VNN1: variants seen among roughly 807,000 people sequenced by gnomAD.
The protein encoded by VNN1 is vanin 1.
VNN1 carries 29 observed loss-of-function variants against 41.9 expected under a neutral mutation model. The ratio of observed to expected loss-of-function variants is 0.69; its 90% CI spans 0.52 to 0.94. The LOEUF (loss-of-function observed/expected upper bound fraction) is 0.94. Ranked by LOEUF, VNN1 falls within the 40% of genes least tolerant of loss-of-function variation. The pLI is 0.00. For missense variants in VNN1, 637 were observed against 621.1 expected, an observed-to-expected ratio of 1.03 and a Z score of -0.27; for synonymous variants, 233 against 224.4, an observed-to-expected ratio of 1.04 and a Z score of -0.34.
At chr6:132,713,695 A>G (rs975410466) in intron 1 of VNN1, 131 bp downstream of exon 1, 26 of 962,294 alleles carry the variant, frequency 2.7e-5, no homozygotes, top group African/African-American at 4.9e-5. Flanking sequence ...TAACTGTAAA[A>G]TAAAGGTTCT....
rs1778317880 is a variant in VNN1, at chr6:132,693,244, G to A, written c.606C>T (p.Thr202=). The change falls in exon 4 of 7, where the codon ACC becomes ACT. Residue 202 remains threonine (T), a synonymous_variant. Transcript: ENST00000367928. ...ATGTGAAAATGCCAAAACTTCCAAA[G>A]GTGGTATTGAAAGTCACAATCTCAG... ...KEPEIVTFNT[T]FGSFGIFTCF... is the part of the protein sequence containing the mutation. The A allele has an allele frequency of 2.5e-6, 4 of 1,614,054 alleles. No individual in the cohort carries two copies. The highest frequency in any genetic ancestry group is 3.4e-6 in the Non-Finnish European group (4 of 1,179,972).
At chr6:132,695,365 GCT>G (rs1453846936) in intron 2 of VNN1, among the ~76,000 whole-genome samples, 2 of 152,136 alleles carry the variant, frequency 1.3e-5, no homozygotes, top group Non-Finnish European at 2.9e-5. Context: ...TTAGCTCTTA[GCT>G]CAATAGTGGT....
intron 2 of VNN1, among the ~76,000 whole-genome samples, chr6:132,700,505 T>C (rs1404605517): frequency 6.6e-6 from 1 of 152,138 alleles, no homozygotes; most frequent in Non-Finnish European, 1.5e-5. Flanking sequence ...GACACCCATC[T>C]TGGCTATCCC....
chr6:132,689,964 T>C (rs1778258762), intron 5 of VNN1, among the ~76,000 whole-genome samples: 1 of 152,210 alleles, frequency 6.6e-6, no homozygotes, highest in African/African-American at 2.4e-5. Context: ...CCAGCCATTC[T>C]TGCCAGAAAT....
At chr6:132,702,135 C>T (rs542140014) in intron 2 of VNN1, among the ~76,000 whole-genome samples, 35 of 152,264 alleles carry the variant, frequency 2.3e-4, no homozygotes, top group African/African-American at 5.1e-4. Context: ...TTGGGCTGCA[C>T]GGCAGTACCA....
At chr6:132,705,589 GC>G (rs1173428029) in intron 2 of VNN1, among the ~76,000 whole-genome samples, 5 of 152,096 alleles carry the variant, frequency 3.3e-5, no homozygotes, top group Non-Finnish European at 7.4e-5. Flanking sequence ...AAAACTGAAA[GC>G]TTTTCTCTAA....
At chr6:132,692,962 G>T in intron 4 of VNN1, 62 bp downstream of exon 4, 1 of 1,363,582 alleles carries the variant, frequency 7.3e-7, no homozygotes, top group Non-Finnish European at 9.8e-7. Flanking sequence ...AGAAAAACAT[G>T]TTTTTTTTTT....
chr6:132,711,859 A>T lies in VNN1; in HGVS notation c.211-20T>A, dbSNP rs1318256087. 1 of 1,611,504 alleles carries T rather than the reference A, an allele frequency of 6.2e-7. No homozygotes were observed. The highest frequency in any genetic ancestry group is 2.2e-5 in the East Asian group (1 of 44,774). On this transcript the variant is annotated intron_variant, in intron 1 of 6. Transcript: ENST00000367928. The stretch of plus-strand genomic sequence containing the variant: ...CGCACCCTGTTAAAAATGCAACTTA[A>T]TCCAAAGGGGGGCCTGCAAGAGGAG...
In VNN1 at chr6:132,698,901, A is replaced by G. The variant is rs1778412015; in HGVS notation, c.342-4719T>C. 2.5e-5 allele frequency: 5 copies of G among 200,216 alleles called. No homozygotes were observed. In the South Asian group the frequency reaches 5.5e-4, roughly 22 times the overall value. 12.4% of individuals were successfully genotyped at this position (200,216 alleles called of 1,614,324 possible). ...GGTTTGAGACTAATTGAGTTTGCAC[A>G]TGATAGACAATAGCCTCAGAATGAC... is the stretch of plus-strand genomic sequence containing the variant. On this transcript the variant is annotated intron_variant, in intron 2 of 6. Transcript: ENST00000367928.
Position 132,693,959 on chromosome 6 carries a change from A to G in VNN1, c.534+31T>C, listed in dbSNP as rs565711486. 16 of 1,611,662 alleles carry G rather than the reference A, an allele frequency of 9.9e-6. No homozygotes were observed. In the Admixed American group the frequency reaches 1.7e-4, roughly 17 times the overall value. On this transcript the variant is annotated intron_variant, in intron 3 of 6. Coordinates refer to ENST00000367928, the MANE Select transcript of VNN1 (RefSeq NM_004666.3). ...GCCCACTTTATTTCATTAGGCATTA[A>G]CTAATTGGATTATTTGCAAATTAAT...
chr6:132,700,707 T>C (rs1036349917), intron 2 of VNN1, among the ~76,000 whole-genome samples: 14 of 152,166 alleles, frequency 9.2e-5, no homozygotes, highest in Non-Finnish European at 1.9e-4. Flanking sequence ...ATTTCTTAAC[T>C]CACAGTAATG....
chr6:132,686,808 T>C (rs1245220171), intron 5 of VNN1, among the ~76,000 whole-genome samples: 1 of 151,866 alleles, frequency 6.6e-6, no homozygotes, highest in African/African-American at 2.4e-5. Context: ...GGAGCTTCAA[T>C]AAAAAATTTC....
intron 2 of VNN1, among the ~76,000 whole-genome samples, chr6:132,697,981 C>G (rs928068446): frequency 6.6e-6 from 1 of 152,220 alleles, no homozygotes; most frequent in Non-Finnish European, 1.5e-5. Context: ...TGATGACAAA[C>G]ATATTTTCCT....
chr6:132,707,285 A>G (rs1314970532), intron 2 of VNN1, among the ~76,000 whole-genome samples: 1 of 151,894 alleles, frequency 6.6e-6, no homozygotes, highest in Non-Finnish European at 1.5e-5. Context: ...TGTTAAAATG[A>G]CTTATAACAA....
intron 2 of VNN1, 138 bp downstream of exon 2, chr6:132,711,571 T>C: frequency 1.0e-6 from 1 of 973,054 alleles, no homozygotes; most frequent in Non-Finnish European, 1.4e-6. Context: ...CCAGTAAATA[T>C]ACCCATAGTA....
chr6:132,697,178 A>T (rs951666136), intron 2 of VNN1, among the ~76,000 whole-genome samples: 1 of 152,132 alleles, frequency 6.6e-6, no homozygotes, highest in Non-Finnish European at 1.5e-5. Context: ...GAAGGAAGGA[A>T]GGATGGATAT....
At chr6:132,709,772 A>C (rs1562221586) in intron 2 of VNN1, among the ~76,000 whole-genome samples, 1 of 152,080 alleles carries the variant, frequency 6.6e-6, no homozygotes, top group African/African-American at 2.4e-5. Context: ...AATGAAGTGA[A>C]TGGGACATCC....
intron 2 of VNN1, among the ~76,000 whole-genome samples, chr6:132,710,542 G>A (rs1308365843): frequency 5.3e-5 from 8 of 151,974 alleles, no homozygotes; most frequent in Admixed American, 4.6e-4. Context: ...TCCCCGACAG[G>A]CCCCGGTGTG....
chr6:132,689,494 G>A (rs558841859), intron 5 of VNN1, among the ~76,000 whole-genome samples: 8 of 152,212 alleles, frequency 5.3e-5, no homozygotes, highest in Admixed American at 5.2e-4. Context: ...GCTAATAATG[G>A]TCAACGTATT....
Sources: allele counts gnomAD v4.1 joint callset (sites outside exome capture counted in the v4.1 genomes callset), GRCh38; gene constraint gnomAD v4.1.1; transcripts MANE v1.5; gene names NCBI Gene and HGNC (gene_info 2026-07-23, HGNC 2026-07-21).